INSR: variants seen among roughly 807,000 people sequenced by gnomAD.
INSR encodes IR.
Under a neutral mutation model 142.6 loss-of-function variants are expected in INSR, and 67 were observed. The ratio of observed to expected loss-of-function variants is 0.47; its 90% CI spans 0.39 to 0.58. The LOEUF (loss-of-function observed/expected upper bound fraction) is 0.58. Among genes scored for constraint, INSR ranks in the 20% least tolerant of loss-of-function variants. The pLI is 0.00. For missense variants in INSR, 1,248 were observed against 1,833.2 expected, an observed-to-expected ratio of 0.68 and a Z score of 5.83; for synonymous variants, 756 against 743.1, an observed-to-expected ratio of 1.02 and a Z score of -0.28.
At position 7,294,220 on chromosome 19, in the gene INSR, C is replaced by T. The variant is rs865976511; in HGVS notation, c.-329G>A. Among the ~76,000 whole-genome samples the T allele has an allele frequency of 1.3e-5, 2 of 151,252 alleles. No homozygotes were observed. Among genetic ancestry groups the T allele is most frequent in the Admixed American group, 6.6e-5 (1 of 15,228 alleles). ...GGGACTGTCTCTCGGCTCTCGGCCC[C>T]GCGCGCTCTGGGTCGCGATCTGCGG... On this transcript the variant is annotated 5_prime_UTR_variant, in exon 1 of 22. Coordinates refer to ENST00000302850, the MANE Select transcript of INSR (RefSeq NM_000208.4).
At chr19:7,244,995 G>T (rs1398636846) in intron 2 of INSR, among the ~76,000 whole-genome samples, 9 of 146,810 alleles carry the variant, frequency 6.1e-5, no homozygotes, top group Non-Finnish European at 1.3e-4. Context: ...GAGTGCAGTG[G>T]CATGATCTCG....
At chr19:7,118,385 T>A (rs1005615067) in intron 21 of INSR, among the ~76,000 whole-genome samples, 1 of 151,962 alleles carries the variant, frequency 6.6e-6, no homozygotes, top group African/African-American at 2.4e-5. Flanking sequence ...TGGTGCAGTC[T>A]CTGCTCACTG....
intron 2 of INSR, among the ~76,000 whole-genome samples, chr19:7,205,517 T>C (rs1054572475): frequency 6.6e-6 from 1 of 152,174 alleles, no homozygotes; most frequent in African/African-American, 2.4e-5. Context: ...AGTCCCGCAG[T>C]AGCCAGGCCT....
intron 14 of INSR, among the ~76,000 whole-genome samples, chr19:7,130,740 A>G (rs1972755629): frequency 6.6e-6 from 1 of 151,826 alleles, no homozygotes; most frequent in Admixed American, 6.6e-5. Context: ...TTCTTTATAA[A>G]TTACTGAGTC....
chr19:7,143,090 C>A lies in INSR; in HGVS notation c.2268G>T (p.Arg756Ser). 6.2e-7 allele frequency: 1 copy of A among 1,614,152 alleles called. No individual in the cohort carries two copies. The highest frequency in any genetic ancestry group is 8.5e-7 in the Non-Finnish European group (1 of 1,180,036). ...CAAGGGACCTGCGTTTCCGAGATGG[C>A]CTGGAACGACAGTAGGACATGTATG... ...TSSGTGAEDP[R>S]PSRKRRSLGD... Residue 756 changes from arginine to serine, a missense_variant and splice_region_variant, in exon 12 of 22, where the codon AGG becomes AGT. Around this residue, in one of 3 missense-constraint regions of INSR, gnomAD observed 1,069 missense variants for 1,654.0 expected, o/e 0.65. Transcript: ENST00000302850.
intron 2 of INSR, among the ~76,000 whole-genome samples, chr19:7,244,967 G>T (rs1486466097): frequency 8.1e-6 from 1 of 124,080 alleles, no homozygotes; most frequent in Non-Finnish European, 1.6e-5. Context: ...ATGGAGTCTC[G>T]CTCTGTCGCC....
intron 2 of INSR, among the ~76,000 whole-genome samples, chr19:7,228,857 G>A (rs780742212): frequency 5.9e-5 from 9 of 152,172 alleles, no homozygotes; most frequent in Non-Finnish European, 1.3e-4. Flanking sequence ...TGGGTGGGTG[G>A]AGGGATGGAT....
chr19:7,208,535 C>T (rs1437548147), intron 2 of INSR, among the ~76,000 whole-genome samples: 2 of 152,176 alleles, frequency 1.3e-5, no homozygotes, highest in Non-Finnish European at 2.9e-5. Flanking sequence ...ACCGTCATAA[C>T]CTTGACCAGC....
intron 2 of INSR, among the ~76,000 whole-genome samples, chr19:7,250,643 C>T (rs138447156): frequency 0.017 from 2,522 of 150,330 alleles, 80 homozygotes; most frequent in African/African-American, 0.057. Context: ...GATGAGAGTT[C>T]GGGCAACCGT....
chr19:7,114,799 CTAATA>C lies in INSR; in HGVS notation c.*2252_*2256del, dbSNP rs1972283307. ...TATATTAAAATAAATACTTTTTCCC[CTAATA>C]TAAGAAAAACCTTTCTGAATTAGAA... On this transcript the variant is annotated 3_prime_UTR_variant, in exon 22 of 22. Transcript: ENST00000302850. The C allele has an allele frequency of 6.6e-6, 1 of 152,330 alleles. No individual in the cohort carries two copies. Among genetic ancestry groups the C allele is most frequent in the African/African-American group, 2.4e-5 (1 of 41,380 alleles). 9.4% of individuals were successfully genotyped at this position (152,330 alleles called of 1,614,324 possible). A position where few individuals can be genotyped will look rare whatever the true frequency, so the allele number is the denominator to read the frequency against.
chr19:7,117,536 T>A (rs1246950744), intron 21 of INSR, 126 bp from the exon 22 acceptor site: 3 of 665,188 alleles, frequency 4.5e-6, no homozygotes, highest in Non-Finnish European at 7.9e-6. Flanking sequence ...ATGCTGGCTG[T>A]GTGTGTGGAC....
chr19:7,151,194 TTCTTTCTTTC>T (rs1267442867), intron 10 of INSR, among the ~76,000 whole-genome samples: 8 of 81,986 alleles, frequency 9.8e-5, no homozygotes, highest in African/African-American at 2.6e-4. Context: ...CTTTCTTTCT[TTCTTTCTTTC>T]TTTCTTTTTC....
At chr19:7,137,998 C>G (rs1972980013) in intron 13 of INSR, among the ~76,000 whole-genome samples, 1 of 141,658 alleles carries the variant, frequency 7.1e-6, no homozygotes, top group African/African-American at 2.6e-5. Context: ...GAGTCTCACT[C>G]TGTCGCCCAG....
At chr19:7,293,271 G>A (rs566354187) in intron 1 of INSR, among the ~76,000 whole-genome samples, 21 of 152,310 alleles carry the variant, frequency 1.4e-4, no homozygotes, top group Admixed American at 8.5e-4. Flanking sequence ...GGGTGGCCAC[G>A]GGCCTAGATC....
chr19:7,210,617 G>A (rs144233731), intron 2 of INSR, among the ~76,000 whole-genome samples: 1 of 152,190 alleles, frequency 6.6e-6, no homozygotes, highest in East Asian at 1.9e-4. Context: ...CTTGGAACCA[G>A]GGTGACACAA....
intron 2 of INSR, among the ~76,000 whole-genome samples, chr19:7,244,323 A>G (rs907162519): frequency 1.3e-5 from 2 of 152,188 alleles, no homozygotes; most frequent in Non-Finnish European, 2.9e-5. Context: ...ACTTGAGGCC[A>G]GGAATTCGAG....
At chr19:7,161,502 G>A (rs1209749462) in intron 9 of INSR, among the ~76,000 whole-genome samples, 2 of 152,176 alleles carry the variant, frequency 1.3e-5, no homozygotes, top group South Asian at 2.1e-4. Context: ...CTCCCACCTT[G>A]GCCTCCCAAT....
chr19:7,142,468 G>A (rs1401856206), intron 12 of INSR, among the ~76,000 whole-genome samples: 2 of 150,824 alleles, frequency 1.3e-5, no homozygotes, highest in African/African-American at 4.9e-5. Context: ...GCCGATGTGG[G>A]TGGATCACTT....
intron 19 of INSR, 107 bp downstream of exon 19, chr19:7,122,507 C>T (rs1972518100): frequency 1.7e-6 from 2 of 1,198,094 alleles, no homozygotes; most frequent in Admixed American, 3.5e-5. Context: ...AGTATCTTGC[C>T]CCTTTATATT....
Sources: allele counts gnomAD v4.1 joint callset (sites outside exome capture counted in the v4.1 genomes callset), GRCh38; gene constraint gnomAD v4.1.1; regional missense constraint gnomAD v4.1.1; transcripts MANE v1.5; gene names NCBI Gene and HGNC (gene_info 2026-07-23, HGNC 2026-07-21).